TUBG1: variants seen among roughly 807,000 people sequenced by gnomAD.
The protein encoded by TUBG1 is tubulin gamma-1 chain.
Under a neutral mutation model 53.3 loss-of-function variants are expected in TUBG1, and 22 were observed. The observed-to-expected ratio is 0.41, with a 90% CI of 0.29 to 0.59. The LOEUF (loss-of-function observed/expected upper bound fraction) is 0.59, where lower values mean the gene tolerates loss of function less well. Among genes scored for constraint, TUBG1 ranks in the 20% least tolerant of loss-of-function variants. The pLI, the probability that TUBG1 is intolerant of heterozygous loss-of-function variation, is 0.26. For synonymous variants in TUBG1, 198 were observed against 236.7 expected (o/e 0.84, Z 1.50); for missense variants, 217 against 598.9 (o/e 0.36, Z 6.66).
chr17:42,612,533 A>G (rs1187840966), intron 5 of TUBG1, 27 bp downstream of exon 5: 24 of 1,611,476 alleles, frequency 1.5e-5, no homozygotes, highest in Middle Eastern at 3.3e-4. Context: ...GGATTAGGAA[A>G]GGTCTCCAAC....
At position 42,612,093 on chromosome 17, in the gene TUBG1, G is replaced by T. The variant is rs754035968; in HGVS notation, c.349G>T (p.Asp117Tyr). 4.3e-6 allele frequency: 7 copies of T among 1,614,116 alleles called. No individual in the cohort carries two copies. The highest frequency in any genetic ancestry group is 5.1e-6 in the Non-Finnish European group (6 of 1,179,988). ...TGTACAGGGAGAAAAGATCCATGAG[G>T]ACATTTTTGACATCATAGACCGGGA... ...GFSQGEKIHE[D>Y]IFDIIDREAD... Residue 117 changes from aspartate to tyrosine, a missense_variant, in exon 4 of 11, where the codon GAC becomes TAC. Physicochemically the swap from Asp to Tyr is radical, Grantham distance 160. Around this residue, in one of 4 missense-constraint regions of TUBG1, gnomAD observed 57 missense variants for 169.3 expected, o/e 0.34. Coordinates refer to ENST00000251413, the MANE Select transcript of TUBG1 (RefSeq NM_001070.5).
At position 42,614,990 on chromosome 17, in the gene TUBG1, C is replaced by A; in HGVS notation, c.1305C>A (p.Tyr435Ter). The A allele has an allele frequency of 6.2e-7, 1 of 1,614,168 alleles. No homozygotes were observed. Among genetic ancestry groups the A allele is most frequent in the Non-Finnish European group, 8.5e-7 (1 of 1,180,028 alleles). ...TTGTGCAGCAGCTCATCGATGAGTA[C>A]CATGCGGCCACACGGCCAGACTACA... ...REIVQQLIDE[Y>*]HAATRPDYIS... The change falls in exon 11 of 11, where the codon TAC becomes TAA. Residue 435 changes from tyrosine (Y) to a stop codon, truncating the protein, a stop_gained. Transcript: ENST00000251413. LOFTEE classifies it high-confidence loss of function. This position sits in a 1 kb window ranked among gnomAD's most constrained non-coding sequence, Gnocchi z 5.1.
rs763244428 is a variant in TUBG1, at chr17:42,613,927, G to T, written c.772G>T (p.Ala258Ser). The T allele has an allele frequency of 6.2e-7, 1 of 1,614,140 alleles. No homozygotes were observed. Among genetic ancestry groups the T allele is most frequent in the Non-Finnish European group, 8.5e-7 (1 of 1,180,028 alleles). ...YMNNDLIGLI[A>S]SLIPTPRLHF... The stretch of plus-strand genomic sequence containing the variant: ...GAACAATGACCTCATCGGCCTCATC[G>T]CCTCGCTCATTCCCACCCCACGGCT... The change falls in exon 8 of 11, where the codon GCC (alanine) becomes TCC (serine). Residue 258 changes from alanine to serine, a missense_variant. Transcript: ENST00000251413.
intron 3 of TUBG1, 151 bp from the exon 4 acceptor site, chr17:42,611,924 A>G: frequency 1.5e-6 from 1 of 653,944 alleles, no homozygotes; most frequent in Non-Finnish European, 2.7e-6. Flanking sequence ...TAACCACTGC[A>G]CCGTACTGCC....
In TUBG1 at chr17:42,614,758, G is replaced by A. The variant is rs991210455; in HGVS notation, c.1159-86G>A. ...CCTGCTTCTAGCTTTTTTGCTGTGG[G>A]CATAGCCCAGCCTTGGTTCCCCAGC... On this transcript the variant is annotated intron_variant, in intron 10 of 10. Coordinates refer to ENST00000251413, the MANE Select transcript of TUBG1 (RefSeq NM_001070.5). The surrounding 1 kb of genome is among the most constrained non-coding windows in gnomAD (Gnocchi z 5.1). The A allele has an allele frequency of 6.2e-6, 10 of 1,606,776 alleles. No individual in the cohort carries two copies. The African/African-American group carries it at 1.2e-4, about 19-fold the overall frequency.
In TUBG1 at chr17:42,614,818, A is replaced by G; in HGVS notation, c.1159-26A>G. 6.2e-7 allele frequency: 1 copy of G among 1,613,860 alleles called. No homozygotes were observed. Among genetic ancestry groups the G allele is most frequent in the Non-Finnish European group, 8.5e-7 (1 of 1,179,858 alleles). ...CACGTTATTCTTTGAAGTTCTTTGT[A>G]ACCCCTGTTTTCTGCACACCCCAAG... On this transcript the variant is annotated intron_variant, in intron 10 of 10. Transcript: ENST00000251413. This position sits in a 1 kb window ranked among gnomAD's most constrained non-coding sequence, Gnocchi z 5.1.
rs2052064467 is a variant in TUBG1 at position 42,614,850 on chromosome 17, G to T, written c.1165G>T (p.Glu389Ter). 6.2e-7 allele frequency: 1 copy of T among 1,614,042 alleles called. No homozygotes were observed. Residue 389 changes from glutamate to a stop codon, truncating the protein, a stop_gained, in exon 11 of 11, where the codon GAG becomes TAG. Transcript: ENST00000251413. LOFTEE classifies it high-confidence loss of function. This position sits in a 1 kb window ranked among gnomAD's most constrained non-coding sequence, Gnocchi z 5.1. ...ANHTSISSLF[E>*]RTCRQYDKLR... ...GTTTTCTGCACACCCCAAGCTCTTC[G>T]AGAGAACCTGTCGCCAGTATGACAA...
chr17:42,611,522 G>A (rs945807332), intron 3 of TUBG1, among the ~76,000 whole-genome samples: 2 of 152,148 alleles, frequency 1.3e-5, no homozygotes, highest in Admixed American at 6.5e-5. Context: ...GGAAACTGAG[G>A]CATAGAGCAA....
chr17:42,612,583 TC>T, intron 5 of TUBG1, 77 bp downstream of exon 5: 1 of 1,336,296 alleles, frequency 7.5e-7, no homozygotes, highest in Non-Finnish European at 1.1e-6. Context: ...CAGATATAAC[TC>T]CATATTTGCT....
rs1317365038 is a variant in TUBG1 at position 42,609,793 on chromosome 17, G to GA, written c.49+10dup. 7.7e-6 allele frequency: 12 copies of GA among 1,551,124 alleles called. No homozygotes were observed. Among genetic ancestry groups the GA allele is most frequent in the Non-Finnish European group, 1.0e-5 (12 of 1,146,808 alleles). On this transcript the variant is annotated splice_region_variant and intron_variant, in intron 1 of 10. Transcript: ENST00000251413. Reference sequence around the variant, plus strand: ...GGCCAGTGCGGCAATCAGAGTGAGCGAAACTCCGGCCCCTCAGCTAGCCAG... The same window carrying GA: ...GGCCAGTGCGGCAATCAGAGTGAGCGAAAACTCCGGCCCCTCAGCTAGCCAG...
Position 42,612,517 on chromosome 17 carries a change from G to A in TUBG1, c.479+11G>A. On this transcript the variant is annotated intron_variant, in intron 5 of 10. Transcript: ENST00000251413. The stretch of plus-strand genomic sequence containing the variant: ...ACGGCTGAATGACAGGTAAGTTTGT[G>A]TTTGGGGATTAGGAAAGGTCTCCAA... The A allele has an allele frequency of 6.2e-7, 1 of 1,613,978 alleles. No homozygotes were observed. Among genetic ancestry groups the A allele is most frequent in the Non-Finnish European group, 8.5e-7 (1 of 1,179,910 alleles).
At chr17:42,612,327 AG>A in intron 4 of TUBG1, 99 bp from the exon 5 acceptor site, 2 of 1,426,510 alleles carry the variant, frequency 1.4e-6, no homozygotes, top group Non-Finnish European at 2.0e-6. Context: ...ATGGGAAGCA[AG>A]GGCTCGGGAA....
chr17:42,612,868 T>C (rs1027893078), intron 5 of TUBG1, 79 bp from the exon 6 acceptor site: 6 of 1,582,118 alleles, frequency 3.8e-6, no homozygotes, highest in Non-Finnish European at 5.2e-6. Flanking sequence ...ATTTATCTGC[T>C]TCTGGACAGT....
chr17:42,613,488 A>G (rs886104846), intron 6 of TUBG1, among the ~76,000 whole-genome samples, 159 bp from the exon 7 acceptor site: 17 of 152,112 alleles, frequency 1.1e-4, no homozygotes, highest in African/African-American at 3.9e-4. Context: ...TTAAAAATCC[A>G]TTTTGAGCCC....
intron 4 of TUBG1, 57 bp from the exon 5 acceptor site, chr17:42,612,370 C>T: frequency 6.3e-7 from 1 of 1,578,290 alleles, no homozygotes; most frequent in South Asian, 1.1e-5. Flanking sequence ...TGAGATGGGT[C>T]TAGTTTGACA....
Position 42,610,551 on chromosome 17 carries a change from A to T in TUBG1, c.291A>T (p.Gly97=). ...NPENIYLSEH[G]GGAGNNWASG... is the part of the protein sequence containing the mutation. Reference sequence around the variant, plus strand: ...AGAACATCTACCTGTCGGAACATGGAGGAGGAGCTGGCAACAACTGGGCCA... The same window carrying T: ...AGAACATCTACCTGTCGGAACATGGTGGAGGAGCTGGCAACAACTGGGCCA... The change falls in exon 3 of 11, where the codon GGA becomes GGT. Residue 97 remains glycine, a synonymous_variant. Transcript: ENST00000251413. 1 of 1,614,102 alleles carries T rather than the reference A, an allele frequency of 6.2e-7. No individual in the cohort carries two copies. Among genetic ancestry groups the T allele is most frequent in the Non-Finnish European group, 8.5e-7 (1 of 1,179,992 alleles).
At position 42,614,087 on chromosome 17, in the gene TUBG1, G is replaced by T. The variant is rs1265426240; in HGVS notation, c.843+89G>T. The T allele has an allele frequency of 9.4e-6, 15 of 1,598,330 alleles. No individual in the cohort carries two copies. Among genetic ancestry groups the T allele is most frequent in the Non-Finnish European group, 1.3e-5 (15 of 1,171,664 alleles). On this transcript the variant is annotated intron_variant, in intron 8 of 10. Transcript: ENST00000251413. The surrounding 1 kb of genome is among the most constrained non-coding windows in gnomAD (Gnocchi z 5.1). The stretch of plus-strand genomic sequence containing the variant: ...CTTTCTCTCTTCCCCACTGCCCCAG[G>T]AGCTACCCTTTGTGGACCCCAAGGC...
intron 1 of TUBG1, 130 bp from the exon 2 acceptor site, chr17:42,609,978 C>T (rs2052018288): frequency 1.5e-6 from 2 of 1,339,386 alleles, no homozygotes; most frequent in Non-Finnish European, 2.0e-6. Flanking sequence ...CAGTCCTTTC[C>T]TCAGACACGG....
chr17:42,610,811 C>T, intron 3 of TUBG1: 1 of 598,304 alleles, frequency 1.7e-6, no homozygotes, highest in Non-Finnish European at 2.8e-6. Flanking sequence ...TTCTAAATCT[C>T]CCAACAACCC....
Sources: gnomAD v4.1 joint callset for allele counts (sites outside exome capture counted in the v4.1 genomes callset) on GRCh38, gnomAD v4.1.1 for gene constraint, gnomAD v4.1.1 regional missense constraint, Gnocchi (gnomAD v3.1) non-coding constraint, MANE v1.5 for transcripts, NCBI Gene and HGNC (gene_info 2026-07-23, HGNC 2026-07-21) for gene names.